Variants in USP43 observed in about 807,000 individuals in gnomAD.
USP43 encodes ubiquitin carboxyl-terminal hydrolase 43.
In USP43, 33 loss-of-function variants were observed where a neutral mutation model predicts 90.7. That is an observed-to-expected ratio of 0.36 (90% CI 0.28 to 0.49). USP43 has a LOEUF of 0.49. USP43 is among the 20% of genes least tolerant of loss of function. The pLI is 0.98. For missense variants in USP43, 1,274 were observed against 1,476.4 expected, an observed-to-expected ratio of 0.86 and a Z score of 2.25; for synonymous variants, 598 against 615.8, an observed-to-expected ratio of 0.97 and a Z score of 0.43.
chr17:9,720,716 G>A (rs1348012702), intron 14 of USP43, among the ~76,000 whole-genome samples: 7 of 152,070 alleles, frequency 4.6e-5, no homozygotes, highest in Non-Finnish European at 1.0e-4. Flanking sequence ...TTGAACTCCC[G>A]ACCTCAGGTG....
Position 9,645,616 on chromosome 17 carries a change from C to A in USP43, c.-17C>A, listed in dbSNP as rs1911317669. The stretch of plus-strand genomic sequence containing the variant: ...GCGCCCGGGGGCTCCGCGCCTGGAG[C>A]TGCGCCGGCGGCAGCCATGGACCTG... On this transcript the variant is annotated 5_prime_UTR_variant, in exon 1 of 15. The change creates a new upstream start codon in the 5' untranslated region. Transcript: ENST00000285199. The surrounding 1 kb of genome is among the most constrained non-coding windows in gnomAD (Gnocchi z 6.8). The A allele has an allele frequency of 2.5e-5, 30 of 1,193,302 alleles. No individual in the cohort carries two copies. The highest frequency in any genetic ancestry group is 3.0e-5 in the Non-Finnish European group (29 of 963,936). 73.9% of individuals were successfully genotyped at this position (1,193,302 alleles called of 1,614,324 possible).
At chr17:9,651,317 G>A (rs1567644737) in intron 1 of USP43, among the ~76,000 whole-genome samples, 1 of 151,692 alleles carries the variant, frequency 6.6e-6, no homozygotes, top group Non-Finnish European at 1.5e-5. Flanking sequence ...TCAGCCTTCC[G>A]AGTAGCTGGG....
chr17:9,701,790 C>T lies in USP43; in HGVS notation c.2011+90C>T. On this transcript the variant is annotated intron_variant, in intron 12 of 14. Coordinates refer to ENST00000285199, the MANE Select transcript of USP43 (RefSeq NM_153210.5). The surrounding 1 kb of genome is among the most constrained non-coding windows in gnomAD (Gnocchi z 7.2). Reference sequence around the variant, plus strand: ...GGGTGTTGCTCAGATGCTGAGCTCCCTGGGGCACTTATTGAGATCCGACCC... The same window carrying T: ...GGGTGTTGCTCAGATGCTGAGCTCCTTGGGGCACTTATTGAGATCCGACCC... 1 of 1,163,622 alleles carries T rather than the reference C, an allele frequency of 8.6e-7. No homozygotes were observed. Among genetic ancestry groups the T allele is most frequent in the Non-Finnish European group, 1.2e-6 (1 of 846,310 alleles). The allele number at this position is 1,163,622 out of a possible 1,614,324, so 72.1% of individuals were successfully genotyped here.
At position 9,674,313 on chromosome 17, in the gene USP43, C is replaced by T. The variant is rs549501999; in HGVS notation, c.741-578C>T. ...TAACATAAAGTTAAGCATTCTAAAGCGTACAAATCAGTGACATGTACATTC... is the reference window on the plus strand; with the variant it reads ...TAACATAAAGTTAAGCATTCTAAAGTGTACAAATCAGTGACATGTACATTC... On this transcript the variant is annotated intron_variant, in intron 3 of 14. Coordinates refer to ENST00000285199, the MANE Select transcript of USP43 (RefSeq NM_153210.5). The surrounding 1 kb of genome is among the most constrained non-coding windows in gnomAD (Gnocchi z 4.4). Among the ~76,000 whole-genome samples the T allele has an allele frequency of 4.6e-5, 7 of 152,238 alleles. No homozygotes were observed. The highest frequency in any genetic ancestry group is 4.2e-4 in the South Asian group (2 of 4,814).
chr17:9,656,294 C>T, intron 1 of USP43, 109 bp from the exon 2 acceptor site: 1 of 1,397,172 alleles, frequency 7.2e-7, no homozygotes, highest in Non-Finnish European at 9.6e-7. Flanking sequence ...TGCTGTCATC[C>T]CAGGTCAGGG....
chr17:9,655,158 C>T lies in USP43; in HGVS notation c.505-1245C>T, dbSNP rs1040357972. On this transcript the variant is annotated intron_variant, in intron 1 of 14. Transcript: ENST00000285199. ...GGCAGTGGTAAGGATTGTCCTGGTC[C>T]TCAGTCTTATTAAAACCAGTCCCTT... is the stretch of plus-strand genomic sequence containing the variant. 4.6e-5 allele frequency among the ~76,000 whole-genome samples: 7 copies of T among 150,794 alleles called. No homozygotes were observed. The South Asian group carries it at 1.3e-3, about 27-fold the overall frequency.
chr17:9,682,468 G>T (rs73255781), intron 6 of USP43, among the ~76,000 whole-genome samples: 3,275 of 152,252 alleles, frequency 0.022, 90 homozygotes, highest in East Asian at 0.069. Flanking sequence ...TACTGGAGAG[G>T]CTGAGACAGG....
chr17:9,713,340 C>T (rs570744590), intron 14 of USP43, among the ~76,000 whole-genome samples: 5 of 152,250 alleles, frequency 3.3e-5, no homozygotes, highest in South Asian at 2.1e-4. Flanking sequence ...CTGCCTGCCT[C>T]GGCCTCCCAA....
At chr17:9,715,693 GTGTGTC>G (rs1916485634) in intron 14 of USP43, among the ~76,000 whole-genome samples, 1 of 118,126 alleles carries the variant, frequency 8.5e-6, no homozygotes, top group African/African-American at 5.2e-5. Context: ...GTGTATGTGT[GTGTGTC>G]TGTGTGTGTC....
rs762469807 is a variant in USP43 at position 9,728,522 on chromosome 17, C to T, written c.2904C>T (p.Pro968=). ...AGATGGGAAGCAAAAGCAGCCCACCCTCCCCCTATATGGGATTCTCTGGAA... is the reference window on the plus strand; with the variant it reads ...AGATGGGAAGCAAAAGCAGCCCACCTTCCCCCTATATGGGATTCTCTGGAA... The part of the protein sequence containing the change: ...SFQMGSKSSP[P]SPYMGFSGNS... The change falls in exon 15 of 15, where the codon CCC becomes CCT. Residue 968 remains proline (P), a synonymous_variant. Transcript: ENST00000285199. This position sits in a 1 kb window ranked among gnomAD's most constrained non-coding sequence, Gnocchi z 6.2. The T allele has an allele frequency of 1.1e-5, 17 of 1,613,842 alleles. No homozygotes were observed. The highest frequency in any genetic ancestry group is 1.4e-5 in the Non-Finnish European group (17 of 1,179,898).
chr17:9,656,600 C>T (rs146195922), intron 2 of USP43, 66 bp downstream of exon 2: 3 of 1,500,208 alleles, frequency 2.0e-6, no homozygotes, highest in East Asian at 2.4e-5. Flanking sequence ...ATTGACTCAG[C>T]TCCTCAAAAC....
intron 8 of USP43, among the ~76,000 whole-genome samples, chr17:9,687,792 T>C (rs1481079859): frequency 6.6e-6 from 1 of 152,248 alleles, no homozygotes; most frequent in Non-Finnish European, 1.5e-5. Flanking sequence ...TAACATTTTG[T>C]TAAAAACCTT....
intron 9 of USP43, among the ~76,000 whole-genome samples, chr17:9,695,256 C>T (rs1185352170): frequency 1.3e-5 from 2 of 152,114 alleles, no homozygotes; most frequent in African/African-American, 4.8e-5. Context: ...CCTTGCCCTG[C>T]CTCTTCCATG....
In USP43 at chr17:9,686,709, G is replaced by T; in HGVS notation, c.1242-89G>T. 1 of 1,127,198 alleles carries T rather than the reference G, an allele frequency of 8.9e-7. No homozygotes were observed. Among genetic ancestry groups the T allele is most frequent in the Non-Finnish European group, 1.3e-6 (1 of 774,236 alleles). The allele number at this position is 1,127,198 out of a possible 1,614,324, so 69.8% of individuals were successfully genotyped here. On this transcript the variant is annotated intron_variant, in intron 7 of 14. Coordinates refer to ENST00000285199, the MANE Select transcript of USP43 (RefSeq NM_153210.5). The surrounding 1 kb of genome is among the most constrained non-coding windows in gnomAD (Gnocchi z 5.5). ...GCTCTTGTCACTTATCCTATTGACA[G>T]GAAGCCAGGGTTAGAACAACCACTC...
chr17:9,645,533 T>G lies in USP43; in HGVS notation c.-100T>G. The G allele has an allele frequency of 9.3e-7, 1 of 1,073,040 alleles. No homozygotes were observed. The highest frequency in any genetic ancestry group is 1.1e-6 in the Non-Finnish European group (1 of 869,582). The allele number at this position is 1,073,040 out of a possible 1,614,324, so 66.5% of individuals were successfully genotyped here. ...CGTCCCCGCACACCTGGCCCGCAGG[T>G]AGCCGGCACCAGGAGCCTTAGAGAA... is the stretch of plus-strand genomic sequence containing the variant. On this transcript the variant is annotated 5_prime_UTR_variant, in exon 1 of 15. Transcript: ENST00000285199. The surrounding 1 kb of genome is among the most constrained non-coding windows in gnomAD (Gnocchi z 6.8).
In USP43 at chr17:9,701,086, G is replaced by T; in HGVS notation, c.1536-33G>T. 1 of 1,447,386 alleles carries T rather than the reference G, an allele frequency of 6.9e-7. No individual in the cohort carries two copies. Among genetic ancestry groups the T allele is most frequent in the Non-Finnish European group, 9.1e-7 (1 of 1,097,278 alleles). 89.7% of individuals were successfully genotyped at this position (1,447,386 alleles called of 1,614,324 possible). On this transcript the variant is annotated intron_variant, in intron 10 of 14. Transcript: ENST00000285199. This position sits in a 1 kb window ranked among gnomAD's most constrained non-coding sequence, Gnocchi z 7.2. Reference sequence around the variant, plus strand: ...ACGAAACCTGTCTGGGAGCAGGAAAGTCCTGAACGCCGTGGGTGTCCTCTC... The same window carrying T: ...ACGAAACCTGTCTGGGAGCAGGAAATTCCTGAACGCCGTGGGTGTCCTCTC...
intron 1 of USP43, among the ~76,000 whole-genome samples, chr17:9,646,758 C>G (rs1911433691): frequency 6.6e-6 from 1 of 152,036 alleles, no homozygotes. Flanking sequence ...TATTCTAAGC[C>G]CAGTGGAATC....
chr17:9,705,060 A>T (rs1915796289), intron 12 of USP43, among the ~76,000 whole-genome samples: 1 of 152,204 alleles, frequency 6.6e-6, no homozygotes, highest in Non-Finnish European at 1.5e-5. Context: ...GGCCTAAAAA[A>T]GATGGACAGT....
At chr17:9,672,484 A>C (rs1913502872) in intron 3 of USP43, among the ~76,000 whole-genome samples, 1 of 152,184 alleles carries the variant, frequency 6.6e-6, no homozygotes, top group Admixed American at 6.5e-5. Context: ...AAGCATGAAG[A>C]CGTCAATGAA....
Sources: allele counts gnomAD v4.1 joint callset (sites outside exome capture counted in the v4.1 genomes callset), GRCh38; gene constraint gnomAD v4.1.1; non-coding constraint Gnocchi (gnomAD v3.1); transcripts MANE v1.5; gene names NCBI Gene and HGNC (gene_info 2026-07-23, HGNC 2026-07-21).